The following NWD2 variants were observed in gnomAD, a reference collection of about 807,000 sequenced individuals.
NWD2 encodes NACHT and WD repeat domain containing 2.
Under a neutral mutation model 132.7 loss-of-function variants are expected in NWD2, and 37 were observed. That is an observed-to-expected ratio of 0.28 (90% confidence interval 0.21 to 0.37). The LOEUF (loss-of-function observed/expected upper bound fraction) is 0.37, where lower values mean the gene tolerates loss of function less well. Among genes scored for constraint, NWD2 ranks in the 10% least tolerant of loss-of-function variants. NWD2 has a pLI of 1.00. For missense variants in NWD2, 1,592 were observed against 2,122.4 expected (o/e 0.75, Z 4.91); for synonymous variants, 705 against 803.0 (o/e 0.88, Z 2.06).
chr4:37,341,303 A>T (rs1560399262), intron 2 of NWD2, among the ~76,000 whole-genome samples: 1 of 152,208 alleles, frequency 6.6e-6, no homozygotes, highest in Admixed American at 6.5e-5. Flanking sequence ...CAGTAGGTTA[A>T]GTGTATTAAA....
chr4:37,244,938 C>T lies in NWD2; in HGVS notation c.-130C>T, dbSNP rs1717197850. On this transcript the variant is annotated 5_prime_UTR_variant, in exon 1 of 7. Coordinates refer to ENST00000309447, the MANE Select transcript of NWD2 (RefSeq NM_001144990.2). This position sits in a 1 kb window ranked among gnomAD's most constrained non-coding sequence, Gnocchi z 5.5. ...CGGAGCTCGCCAAAGGCGCTTCGGG[C>T]TCGGAGCGGCTCTGAGCCGCGCCGC... The T allele has an allele frequency of 1.3e-5, 16 of 1,253,142 alleles. No individual in the cohort carries two copies. The South Asian group carries it at 2.5e-4, about 19-fold the overall frequency. 77.6% of individuals were successfully genotyped at this position (1,253,142 alleles called of 1,614,324 possible). A position where few individuals can be genotyped will look rare whatever the true frequency, so the allele number is the denominator to read the frequency against.
chr4:37,303,406 T>C (rs940784367), intron 1 of NWD2, among the ~76,000 whole-genome samples: 1 of 152,216 alleles, frequency 6.6e-6, no homozygotes, highest in Non-Finnish European at 1.5e-5. Context: ...AGCTTTCCTC[T>C]TTTTGTTCAG....
At chr4:37,267,419 C>A (rs145837455) in intron 1 of NWD2, among the ~76,000 whole-genome samples, 2,886 of 151,982 alleles carry the variant, frequency 0.019, 56 homozygotes, top group Non-Finnish European at 0.023. Context: ...CAGGGCCAGC[C>A]CTGATCATAG....
chr4:37,297,411 C>T (rs1583456), intron 1 of NWD2, among the ~76,000 whole-genome samples: 3 of 151,968 alleles, frequency 2.0e-5, no homozygotes, highest in East Asian at 1.9e-4. Context: ...AGGAACCTGC[C>T]GATATGGAAG....
chr4:37,275,516 G>C (rs544489714), intron 1 of NWD2, among the ~76,000 whole-genome samples: 2 of 152,236 alleles, frequency 1.3e-5, no homozygotes, highest in South Asian at 4.1e-4. Flanking sequence ...GTAATTTATA[G>C]ATTCAATGCC....
intron 3 of NWD2, among the ~76,000 whole-genome samples, chr4:37,359,788 T>C (rs1324798366): frequency 6.6e-6 from 1 of 152,148 alleles, no homozygotes; most frequent in African/African-American, 2.4e-5. Context: ...TAAGTTGTCA[T>C]TTAGATAATG....
At chr4:37,405,738 G>T (rs1327876927) in intron 3 of NWD2, among the ~76,000 whole-genome samples, 12 of 152,124 alleles carry the variant, frequency 7.9e-5, no homozygotes, top group Non-Finnish European at 1.6e-4. Flanking sequence ...TCTAAGGGAC[G>T]CATTTTTATA....
At chr4:37,356,583 A>C in intron 3 of NWD2, 101 bp downstream of exon 3, 1 of 738,208 alleles carries the variant, frequency 1.4e-6, no homozygotes, top group Non-Finnish European at 2.2e-6. Flanking sequence ...GAGGGGGAAA[A>C]AGACTTTTTT....
intron 1 of NWD2, among the ~76,000 whole-genome samples, chr4:37,321,122 A>G (rs1001232127): frequency 6.6e-6 from 1 of 152,146 alleles, no homozygotes; most frequent in African/African-American, 2.4e-5. Context: ...ATGCCACTGC[A>G]CTTTCAGCCT....
intron 1 of NWD2, among the ~76,000 whole-genome samples, chr4:37,266,643 A>C (rs10020438): frequency 6.6e-6 from 1 of 152,054 alleles, no homozygotes; most frequent in African/African-American, 2.4e-5. Context: ...AACAGGAAGG[A>C]ATTATTTACT....
At chr4:37,325,116 C>G (rs1719143648) in intron 1 of NWD2, among the ~76,000 whole-genome samples, 1 of 152,160 alleles carries the variant, frequency 6.6e-6, no homozygotes, top group Non-Finnish European at 1.5e-5. Context: ...GTGCCATCAT[C>G]AATGCAGAAT....
intron 2 of NWD2, among the ~76,000 whole-genome samples, chr4:37,333,520 T>C (rs1296500362): frequency 6.6e-6 from 1 of 152,158 alleles, no homozygotes; most frequent in Non-Finnish European, 1.5e-5. Context: ...CTTGGAGTAT[T>C]CCCTAATACA....
At chr4:37,311,937 G>A (rs1294491001) in intron 1 of NWD2, among the ~76,000 whole-genome samples, 2 of 151,500 alleles carry the variant, frequency 1.3e-5, no homozygotes, top group Admixed American at 6.5e-5. Context: ...TCAGATAGTT[G>A]TAGATATGCG....
At chr4:37,254,040 G>C (rs1449084907) in intron 1 of NWD2, among the ~76,000 whole-genome samples, 1 of 152,142 alleles carries the variant, frequency 6.6e-6, no homozygotes, top group Non-Finnish European at 1.5e-5. Flanking sequence ...CACACACTGG[G>C]GCGTTTTGGA....
chr4:37,445,178 T>G lies in NWD2; in HGVS notation c.3190T>G (p.Phe1064Val). ...AAGCAGCGCCACCTACATCAATGGATTTACACTGTCCGCCAACCACGCCCT... is the reference window on the plus strand; with the variant it reads ...AAGCAGCGCCACCTACATCAATGGAGTTACACTGTCCGCCAACCACGCCCT... ...HGSSATYING[F>V]TLSANHALAW... Residue 1064 changes from phenylalanine (F) to valine (V), a missense_variant, in exon 7 of 7, where the codon TTT becomes GTT. Phe to Val is a conservative substitution (Grantham distance 50, BLOSUM62 -1). Around this residue, in one of 7 missense-constraint regions of NWD2, gnomAD observed 1,071 missense variants for 1,398.0 expected, o/e 0.77. Transcript: ENST00000309447. This position sits in a 1 kb window ranked among gnomAD's most constrained non-coding sequence, Gnocchi z 4.7. The G allele has an allele frequency of 6.4e-7, 1 of 1,551,924 alleles. No homozygotes were observed. Among genetic ancestry groups the G allele is most frequent in the Non-Finnish European group, 8.7e-7 (1 of 1,147,068 alleles).
At chr4:37,429,474 C>T (rs758861930) in intron 3 of NWD2, among the ~76,000 whole-genome samples, 1 of 152,046 alleles carries the variant, frequency 6.6e-6, no homozygotes, top group Non-Finnish European at 1.5e-5. Context: ...GCCACCATGC[C>T]TGGCTAATTT....
At chr4:37,387,190 A>G (rs567070474) in intron 3 of NWD2, among the ~76,000 whole-genome samples, 16 of 152,316 alleles carry the variant, frequency 1.1e-4, no homozygotes, top group South Asian at 2.1e-4. Flanking sequence ...ATCCTGAAAT[A>G]TGACTACTAG....
Position 37,446,675 on chromosome 4 carries a change from G to A in NWD2, c.4687G>A (p.Ala1563Thr), listed in dbSNP as rs200088519. 787 of 1,551,312 alleles carry A rather than the reference G, an allele frequency of 5.1e-4. 3 individuals carry two copies. Among genetic ancestry groups the A allele is most frequent in the South Asian group, 7.0e-4 (59 of 84,030 alleles). The stretch of plus-strand genomic sequence containing the variant: ...CAGTGGTAAATTGCGGGTGGTTCAC[G>A]CCTCTGGGATCATCTGGCGGCAGAG... Reference protein sequence around the residue: ...LYSGKLRVVHASGIIWRQRLS... With the variant: ...LYSGKLRVVHTSGIIWRQRLS... Residue 1563 changes from alanine (A) to threonine (T), a missense_variant, in exon 7 of 7, where the codon GCC becomes ACC. Physicochemically the swap from Ala to Thr is moderately conservative, Grantham distance 58. Transcript: ENST00000309447. This position sits in a 1 kb window ranked among gnomAD's most constrained non-coding sequence, Gnocchi z 6.7.
chr4:37,303,361 G>T (rs1718644424), intron 1 of NWD2, among the ~76,000 whole-genome samples: 1 of 152,102 alleles, frequency 6.6e-6, no homozygotes, highest in African/African-American at 2.4e-5. Flanking sequence ...CAGCTTCGTG[G>T]TATATAATTT....
Sources: gnomAD v4.1 joint callset for allele counts (sites outside exome capture counted in the v4.1 genomes callset) on GRCh38, gnomAD v4.1.1 for gene constraint, gnomAD v4.1.1 regional missense constraint, Gnocchi (gnomAD v3.1) non-coding constraint, MANE v1.5 for transcripts, NCBI Gene and HGNC (gene_info 2026-07-23, HGNC 2026-07-21) for gene names.